ATP6V0A4: variants seen among roughly 807,000 people sequenced by gnomAD.
ATP6V0A4 encodes the protein V-type proton ATPase 116 kDa subunit a 4.
In ATP6V0A4, 86 loss-of-function variants were observed where a neutral mutation model predicts 107.3. The observed-to-expected ratio is 0.80, with a 90% confidence interval of 0.67 to 0.96. The LOEUF is 0.96. Ranked by LOEUF, ATP6V0A4 falls within the 40% of genes least tolerant of loss-of-function variation. The probability of loss-of-function intolerance (pLI) is 0.00; values close to 1 mark genes in which losing one functional copy is unlikely to be tolerated. For synonymous variants in ATP6V0A4, 353 were observed against 381.4 expected (o/e 0.93, Z 0.87); for missense variants, 908 against 1,045.6 (o/e 0.87, Z 1.81).
chr7:138,728,647 ACCATTCTT>A, intron 18 of ATP6V0A4, 106 bp downstream of exon 18: 1 of 1,449,190 alleles, frequency 6.9e-7, no homozygotes, highest in Non-Finnish European at 9.7e-7. Context: ...GTTCCTCAAC[ACCATTCTT>A]CTGGCCCTGG....
chr7:138,745,980 A>ATATAT (rs1562997895), intron 13 of ATP6V0A4, among the ~76,000 whole-genome samples: 10 of 39,948 alleles, frequency 2.5e-4, no homozygotes, highest in African/African-American at 6.4e-4. Flanking sequence ...TATATATATA[A>ATATAT]AATATATATT....
At chr7:138,788,980 C>T (rs1808281605) in intron 1 of ATP6V0A4, among the ~76,000 whole-genome samples, 2 of 152,160 alleles carry the variant, frequency 1.3e-5, no homozygotes, top group Admixed American at 6.6e-5. Context: ...CAGATTAATT[C>T]AGAGGGCATT....
Position 138,752,823 on chromosome 7 carries a change from T to C in ATP6V0A4, c.831A>G (p.Thr277=). 1 of 1,614,078 alleles carries C rather than the reference T, an allele frequency of 6.2e-7. No homozygotes were observed. The highest frequency in any genetic ancestry group is 8.5e-7 in the Non-Finnish European group (1 of 1,180,016). ...GCAGCAGGCGCTGGCGGTGAGACTC[T>C]GTTTGTGTTATGACCTATACAAAAA... The part of the protein sequence containing the change: ...LEDLITVITQ[T]ESHRQRLLQE... The change falls in exon 11 of 22, where the codon ACA becomes ACG. Residue 277 remains threonine (T), a synonymous_variant. Coordinates refer to ENST00000310018, the MANE Select transcript of ATP6V0A4 (RefSeq NM_020632.3).
chr7:138,764,793 GT>G (rs1426694182), intron 5 of ATP6V0A4: 1 of 152,078 alleles, frequency 6.6e-6, no homozygotes, highest in Admixed American at 6.6e-5. Context: ...CAGAGTTTTT[GT>G]TTTTGTTTTT....
intron 20 of ATP6V0A4, among the ~76,000 whole-genome samples, chr7:138,712,309 T>C (rs1183420307): frequency 6.6e-6 from 1 of 152,152 alleles, no homozygotes; most frequent in Admixed American, 6.6e-5. Context: ...AGCTCCAACC[T>C]CAGCAGTAGT....
chr7:138,759,649 G>T, intron 8 of ATP6V0A4, 103 bp downstream of exon 8: 1 of 1,230,178 alleles, frequency 8.1e-7, no homozygotes. Context: ...ATAGATATTA[G>T]TCTCATCAAA....
intron 19 of ATP6V0A4, among the ~76,000 whole-genome samples, chr7:138,718,229 T>TGC (rs375437432): frequency 6.5e-5 from 1 of 15,440 alleles, no homozygotes; most frequent in Non-Finnish European, 1.1e-4. Flanking sequence ...TGTGTGTGTG[T>TGC]GCGCGCAGTT....
intron 2 of ATP6V0A4, among the ~76,000 whole-genome samples, chr7:138,781,772 C>G (rs4732333): frequency 0.49 from 74,048 of 151,172 alleles, 18,864 homozygotes; most frequent in African/African-American, 0.61. Flanking sequence ...TGGTGAGGAA[C>G]AATGTCCTTG....
intron 6 of ATP6V0A4, 109 bp downstream of exon 6, chr7:138,762,791 G>T: frequency 7.7e-7 from 1 of 1,305,302 alleles, no homozygotes; most frequent in Non-Finnish European, 1.1e-6. Flanking sequence ...GCCTAGCCAT[G>T]GAACAGAAAC....
intron 11 of ATP6V0A4, among the ~76,000 whole-genome samples, chr7:138,750,724 T>A (rs74328212): frequency 0.16 from 24,485 of 152,210 alleles, 2,177 homozygotes; most frequent in Middle Eastern, 0.22. Flanking sequence ...CATGCATCAC[T>A]TCCTCCAGGA....
intron 19 of ATP6V0A4, 82 bp downstream of exon 19, chr7:138,721,815 C>G (rs1804435403): frequency 4.5e-6 from 7 of 1,550,986 alleles, no homozygotes; most frequent in Non-Finnish European, 6.2e-6. Flanking sequence ...GCCCTCCAGA[C>G]CCACCCAGCT....
At chr7:138,762,239 CAG>C in intron 7 of ATP6V0A4, 99 bp downstream of exon 7, 1 of 1,419,498 alleles carries the variant, frequency 7.0e-7, no homozygotes, top group South Asian at 1.2e-5. Flanking sequence ...CCATGGGAAA[CAG>C]TCCCCATTCC....
intron 5 of ATP6V0A4, among the ~76,000 whole-genome samples, chr7:138,765,510 C>T (rs1807042313): frequency 6.6e-6 from 1 of 152,070 alleles, no homozygotes; most frequent in Admixed American, 6.6e-5. Flanking sequence ...TTTTTCCCTC[C>T]CCCCTGAATT....
chr7:138,730,432 G>T (rs1804946454), intron 17 of ATP6V0A4, among the ~76,000 whole-genome samples: 1 of 151,570 alleles, frequency 6.6e-6, no homozygotes, highest in African/African-American at 2.4e-5. Context: ...GTTGGGAAGG[G>T]ACTTTATTAA....
rs1404056854 is a variant in ATP6V0A4, at chr7:138,773,272, A to AC, written c.-17-2009dup. On this transcript the variant is annotated intron_variant, in intron 2 of 21. Coordinates refer to ENST00000310018, the MANE Select transcript of ATP6V0A4 (RefSeq NM_020632.3). This position sits in a 1 kb window ranked among gnomAD's most constrained non-coding sequence, Gnocchi z 5.4. Reference sequence around the variant, plus strand: ...GGACCCTGCATTTCTCCCAGCTCCCACCCCCTTCAGGCCCTTCGCCCAGGC... The same window carrying AC: ...GGACCCTGCATTTCTCCCAGCTCCCACCCCCCTTCAGGCCCTTCGCCCAGGC... Among the ~76,000 whole-genome samples, 4 of 151,614 alleles carry AC rather than the reference A, an allele frequency of 2.6e-5. No individual in the cohort carries two copies. The highest frequency in any genetic ancestry group is 4.4e-5 in the Non-Finnish European group (3 of 67,930).
In ATP6V0A4 at chr7:138,747,294, A is replaced by G. The variant is rs919764272; in HGVS notation, c.1320+131T>C. The G allele has an allele frequency of 4.5e-5, 53 of 1,169,172 alleles. 1 individual carries two copies. The Middle Eastern group carries it at 1.0e-3, about 23-fold the overall frequency. 72.4% of individuals were successfully genotyped at this position (1,169,172 alleles called of 1,614,324 possible). On this transcript the variant is annotated intron_variant, in intron 13 of 21. Transcript: ENST00000310018. Reference sequence around the variant, plus strand: ...TACCTTTGGCCAGAAGTTTTAGGTTAATTTGGCTCTTTTTTACTTTCCTTC... The same window carrying G: ...TACCTTTGGCCAGAAGTTTTAGGTTGATTTGGCTCTTTTTTACTTTCCTTC...
chr7:138,747,208 C>A (rs1344036318), intron 13 of ATP6V0A4, among the ~76,000 whole-genome samples: 1 of 152,084 alleles, frequency 6.6e-6, no homozygotes, highest in Non-Finnish European at 1.5e-5. Context: ...GATGCCTTAT[C>A]AAGTCATGAA....
chr7:138,709,767 C>T lies in ATP6V0A4; in HGVS notation c.2286G>A (p.Val762=). 6.2e-7 allele frequency: 1 copy of T among 1,614,078 alleles called. No individual in the cohort carries two copies. Among genetic ancestry groups the T allele is most frequent in the East Asian group, 2.2e-5 (1 of 44,888 alleles). The change falls in exon 21 of 22, where the codon GTG becomes GTA. Residue 762 remains valine (V), a synonymous_variant. Coordinates refer to ENST00000310018, the MANE Select transcript of ATP6V0A4 (RefSeq NM_020632.3). The stretch of plus-strand genomic sequence containing the variant: ...CTCGCGTCTGAAGGCCGCTGTTCAT[C>T]ACCATAGTCCAGAGCACTTCAGACA... The part of the protein sequence containing the change: ...AQLSEVLWTM[V]MNSGLQTRGW...
chr7:138,733,626 T>C (rs908698960), intron 16 of ATP6V0A4, among the ~76,000 whole-genome samples: 8 of 138,484 alleles, frequency 5.8e-5, no homozygotes, highest in African/African-American at 2.2e-4. Flanking sequence ...TCACCCAGGC[T>C]GGAGTGCAGC....
Sources: gnomAD v4.1 joint callset for allele counts (sites outside exome capture counted in the v4.1 genomes callset) on GRCh38, gnomAD v4.1.1 for gene constraint, Gnocchi (gnomAD v3.1) non-coding constraint, MANE v1.5 for transcripts, NCBI Gene and HGNC (gene_info 2026-07-23, HGNC 2026-07-21) for gene names.